PIP5K1B: variants seen among roughly 807,000 people sequenced by gnomAD.
PIP5K1B encodes the protein phosphatidylinositol-4-phosphate 5-kinase type 1 beta.
PIP5K1B carries 42 observed loss-of-function variants against 67.0 expected under a neutral mutation model. That is an observed-to-expected ratio of 0.63 (90% CI 0.49 to 0.81). PIP5K1B has a LOEUF of 0.81. Among genes scored for constraint, PIP5K1B ranks in the 30% least tolerant of loss-of-function variants. The probability of loss-of-function intolerance (pLI) is 0.00; values close to 1 mark genes in which losing one functional copy is unlikely to be tolerated. For missense variants in PIP5K1B, 459 were observed against 646.3 expected (o/e 0.71, Z 3.14); for synonymous variants, 214 against 231.4 (o/e 0.92, Z 0.68).
At chr9:68,711,985 C>T (rs566937132) in intron 1 of PIP5K1B, among the ~76,000 whole-genome samples, 4 of 152,318 alleles carry the variant, frequency 2.6e-5, no homozygotes, top group South Asian at 2.1e-4. Flanking sequence ...GTTTTGTTCA[C>T]TTGTCACAGG....
chr9:68,911,860 T>A (rs770793691), intron 8 of PIP5K1B, among the ~76,000 whole-genome samples: 7 of 152,160 alleles, frequency 4.6e-5, no homozygotes, highest in Non-Finnish European at 7.4e-5. Flanking sequence ...CCAGCCTGGG[T>A]GATGGAGTGA....
At chr9:68,710,806 A>G (rs1285928259) in intron 1 of PIP5K1B, among the ~76,000 whole-genome samples, 3 of 152,272 alleles carry the variant, frequency 2.0e-5, no homozygotes, top group Non-Finnish European at 4.4e-5. Context: ...TCAATAAACA[A>G]TGAATATGTA....
intron 2 of PIP5K1B, among the ~76,000 whole-genome samples, chr9:68,793,943 C>T (rs1832143925): frequency 6.6e-6 from 1 of 152,110 alleles, no homozygotes. Flanking sequence ...AAAAGGAAAC[C>T]AAGCTAGAGC....
At chr9:68,999,349 C>T (rs371821274) in intron 15 of PIP5K1B, among the ~76,000 whole-genome samples, 1 of 152,184 alleles carries the variant, frequency 6.6e-6, no homozygotes, top group Admixed American at 6.5e-5. Flanking sequence ...TACCGAGGGA[C>T]CTGTGAATTA....
chr9:68,877,482 A>T (rs1367757600), intron 6 of PIP5K1B, among the ~76,000 whole-genome samples: 1 of 152,204 alleles, frequency 6.6e-6, no homozygotes, highest in East Asian at 1.9e-4. Flanking sequence ...GATCACTGTT[A>T]ACACCCTGGG....
intron 14 of PIP5K1B, chr9:68,965,738 G>A (rs1388079474): frequency 6.6e-6 from 1 of 152,172 alleles, no homozygotes; most frequent in Non-Finnish European, 1.5e-5. Context: ...GGCCAAGGCA[G>A]GTGGATCACC....
In PIP5K1B at chr9:68,992,715, C is replaced by T. The variant is rs541590836; in HGVS notation, c.1620+1458C>T. On this transcript the variant is annotated intron_variant, in intron 15 of 15. Transcript: ENST00000265382. ...ATTAGGCAGGCATGGTGGTGCATGT[C>T]TGTAGTCCCAGCTACTTAGGAGGCT... 6.4e-4 allele frequency among the ~76,000 whole-genome samples: 97 copies of T among 151,546 alleles called. 1 individual carries two copies. The Middle Eastern group carries it at 0.021, about 32-fold the overall frequency.
intron 6 of PIP5K1B, among the ~76,000 whole-genome samples, chr9:68,887,215 A>G (rs1302236160): frequency 6.6e-6 from 1 of 152,118 alleles, no homozygotes; most frequent in Non-Finnish European, 1.5e-5. Flanking sequence ...TGTGTAATGT[A>G]TTTACTTGTT....
chr9:68,858,793 A>G (rs1016435325), intron 4 of PIP5K1B, among the ~76,000 whole-genome samples: 9 of 152,368 alleles, frequency 5.9e-5, no homozygotes, highest in African/African-American at 1.7e-4. Flanking sequence ...AAATGTTTTA[A>G]TATTTCCTTT....
At position 68,857,078 on chromosome 9, in the gene PIP5K1B, G is replaced by A. The variant is rs538307290; in HGVS notation, c.70-6759G>A. 1.9e-4 allele frequency among the ~76,000 whole-genome samples: 29 copies of A among 152,290 alleles called. 1 individual carries two copies. The South Asian group carries it at 5.0e-3, about 26-fold the overall frequency. On this transcript the variant is annotated intron_variant, in intron 4 of 15. Coordinates refer to ENST00000265382, the MANE Select transcript of PIP5K1B (RefSeq NM_003558.4). ...AGACAGAGATTTAACAATTCTGCTGGCTTTGAAGATGGAGGAAGAGGCCAC... is the reference window on the plus strand; with the variant it reads ...AGACAGAGATTTAACAATTCTGCTGACTTTGAAGATGGAGGAAGAGGCCAC...
chr9:68,733,829 G>A (rs763643391), intron 1 of PIP5K1B, among the ~76,000 whole-genome samples: 3 of 151,718 alleles, frequency 2.0e-5, no homozygotes, highest in African/African-American at 4.8e-5. Context: ...TAGTTGAGAC[G>A]GGGTTTCACC....
chr9:68,924,956 C>T (rs535908157), intron 12 of PIP5K1B, among the ~76,000 whole-genome samples: 5 of 152,062 alleles, frequency 3.3e-5, no homozygotes, highest in African/African-American at 4.8e-5. Flanking sequence ...TATGTATTTA[C>T]GTTAAAATGA....
chr9:68,796,337 T>C (rs1397159810), intron 2 of PIP5K1B, among the ~76,000 whole-genome samples: 11 of 150,880 alleles, frequency 7.3e-5, no homozygotes, highest in Admixed American at 2.0e-4. Flanking sequence ...AATGTTCTGA[T>C]GTACATCTGA....
chr9:68,939,347 C>T (rs1827439707), intron 13 of PIP5K1B, among the ~76,000 whole-genome samples: 1 of 152,212 alleles, frequency 6.6e-6, no homozygotes, highest in Admixed American at 6.5e-5. Flanking sequence ...AAACCTAGGT[C>T]GAAGACCAGC....
chr9:68,862,142 A>G (rs1823120725), intron 4 of PIP5K1B, among the ~76,000 whole-genome samples: 1 of 152,172 alleles, frequency 6.6e-6, no homozygotes, highest in Admixed American at 6.5e-5. Flanking sequence ...TAGTCTGTAG[A>G]TGGACTAGAG....
At chr9:68,989,252 C>T (rs939825433) in intron 14 of PIP5K1B, among the ~76,000 whole-genome samples, 7 of 151,942 alleles carry the variant, frequency 4.6e-5, no homozygotes, top group Non-Finnish European at 7.4e-5. Context: ...GGTTCCCAGA[C>T]GCGGGAAAGA....
At chr9:68,766,023 A>C (rs376926020) in intron 2 of PIP5K1B, among the ~76,000 whole-genome samples, 2 of 152,198 alleles carry the variant, frequency 1.3e-5, no homozygotes, top group Admixed American at 1.3e-4. Context: ...AAACACCTTA[A>C]ATTTCCATTA....
rs772802308 is a variant in PIP5K1B, at chr9:68,934,889, G to T, written c.1202-1G>T. On this transcript the variant is annotated splice_acceptor_variant, in intron 12 of 15. Coordinates refer to ENST00000265382, the MANE Select transcript of PIP5K1B (RefSeq NM_003558.4). LOFTEE classifies it high-confidence loss of function. The stretch of plus-strand genomic sequence containing the variant: ...TATTTGTCCTTTTCCTTTCTGTCTA[G>T]CTTTGAAGGCTTCACCGTCTAAGAA... 2 of 1,605,804 alleles carry T rather than the reference G, an allele frequency of 1.2e-6. No individual in the cohort carries two copies. The highest frequency in any genetic ancestry group is 1.7e-6 in the Non-Finnish European group (2 of 1,175,818).
chr9:68,801,852 T>G (rs1278775175), intron 2 of PIP5K1B, among the ~76,000 whole-genome samples: 1 of 152,200 alleles, frequency 6.6e-6, no homozygotes, highest in Admixed American at 6.5e-5. Context: ...ATGATGGGGG[T>G]TTGCCCCAGC....
Sources: gnomAD v4.1 joint callset for allele counts (sites outside exome capture counted in the v4.1 genomes callset) on GRCh38, gnomAD v4.1.1 for gene constraint, MANE v1.5 for transcripts, NCBI Gene and HGNC (gene_info 2026-07-23, HGNC 2026-07-21) for gene names.